Variants in ANO2 observed in about 807,000 individuals in gnomAD.
ANO2 encodes the protein anoctamin-2.
A neutral mutation model predicts 124.2 loss-of-function variants in ANO2; 101 were observed. The ratio of observed to expected loss-of-function variants is 0.81; its 90% CI spans 0.69 to 0.96. The LOEUF (loss-of-function observed/expected upper bound fraction) is 0.96, where lower values mean the gene tolerates loss of function less well. ANO2 is among the 40% of genes least tolerant of loss of function. The pLI is 0.00. For synonymous variants in ANO2, 486 were observed against 482.5 expected (o/e 1.01, Z -0.09); for missense variants, 1,293 against 1,274.5 (o/e 1.01, Z -0.22).
At chr12:5,838,098 G>A (rs1263648042) in intron 4 of ANO2, among the ~76,000 whole-genome samples, 1 of 152,234 alleles carries the variant, frequency 6.6e-6, no homozygotes, top group African/African-American at 2.4e-5. Context: ...GTCTGGCTCT[G>A]GCAGACGTTC....
At chr12:5,893,631 C>T (rs111811755) in intron 3 of ANO2, among the ~76,000 whole-genome samples, 31,092 of 151,606 alleles carry the variant, frequency 0.21, 3,312 homozygotes, top group Admixed American at 0.28. Context: ...CTAATGCTAT[C>T]CCTCCCCTAG....
intron 10 of ANO2, among the ~76,000 whole-genome samples, chr12:5,762,526 G>A (rs1305994452): frequency 6.6e-6 from 1 of 151,908 alleles, no homozygotes; most frequent in Non-Finnish European, 1.5e-5. Context: ...AAAGTAAGAT[G>A]TTAAATGGTA....
intron 10 of ANO2, among the ~76,000 whole-genome samples, chr12:5,756,244 A>G (rs1468171713): frequency 6.6e-6 from 1 of 151,654 alleles, no homozygotes; most frequent in African/African-American, 2.4e-5. Context: ...TGAACTTCTG[A>G]TTTTGTTGAC....
intron 7 of ANO2, among the ~76,000 whole-genome samples, chr12:5,810,287 T>C (rs1953346620): frequency 6.6e-6 from 1 of 152,222 alleles, no homozygotes; most frequent in African/African-American, 2.4e-5. Context: ...AACAGGGATT[T>C]GCTTTGGCCT....
chr12:5,826,330 C>T (rs966284638), intron 7 of ANO2, among the ~76,000 whole-genome samples: 18 of 151,752 alleles, frequency 1.2e-4, no homozygotes, highest in African/African-American at 4.1e-4. Context: ...TACTGAGTGT[C>T]GACTTGATTG....
At chr12:5,872,456 G>A (rs1227575601) in intron 3 of ANO2, among the ~76,000 whole-genome samples, 1 of 152,146 alleles carries the variant, frequency 6.6e-6, no homozygotes, top group African/African-American at 2.4e-5. Flanking sequence ...CAGCTCTACT[G>A]TGACAGGGGC....
chr12:5,812,591 G>GGGGA lies in ANO2; in HGVS notation c.893-5224_893-5223insTCCC, dbSNP rs1555168012. Among the ~76,000 whole-genome samples the GGGGA allele has an allele frequency of 1.9e-5, 2 of 106,990 alleles. 1 individual carries two copies. Among genetic ancestry groups the GGGGA allele is most frequent in the Non-Finnish European group, 3.6e-5 (2 of 55,560 alleles). 70.2% of individuals were successfully genotyped at this position (106,990 alleles called of 152,430 possible). On this transcript the variant is annotated intron_variant, in intron 7 of 24. Coordinates refer to ENST00000682330, the MANE Select transcript of ANO2 (RefSeq NM_001364791.2). ...AAAGAAAAAAAGAAAGAGAAAGAAA[G>GGGGA]AGGAAGAAGAAAAAGGAAGGAAGGT...
In ANO2 at chr12:5,787,840, T is replaced by C. The variant is rs1422963639; in HGVS notation, c.1055+11667A>G. On this transcript the variant is annotated intron_variant, in intron 10 of 24. Transcript: ENST00000682330. The surrounding 1 kb of genome is among the most constrained non-coding windows in gnomAD (Gnocchi z 4.2). ...TCTCTGTCACACTTCCGGTTAACTA[T>C]GCACTGTCTCCCCTGCTAGGTCATA... is the stretch of plus-strand genomic sequence containing the variant. Among the ~76,000 whole-genome samples, 1 of 152,178 alleles carries C rather than the reference T, an allele frequency of 6.6e-6. No individual in the cohort carries two copies. The highest frequency in any genetic ancestry group is 2.4e-5 in the African/African-American group (1 of 41,442).
chr12:5,818,116 G>T (rs1953666329), intron 7 of ANO2, among the ~76,000 whole-genome samples: 1 of 152,134 alleles, frequency 6.6e-6, no homozygotes, highest in Non-Finnish European at 1.5e-5. Flanking sequence ...GTGTCAACTT[G>T]ATTGGATCGC....
At chr12:5,672,630 T>A (rs1162858223) in intron 14 of ANO2, among the ~76,000 whole-genome samples, 1 of 152,016 alleles carries the variant, frequency 6.6e-6, no homozygotes, top group Non-Finnish European at 1.5e-5. Flanking sequence ...CATGTGTGTA[T>A]GTCTCTGTGT....
chr12:5,757,880 G>A (rs149780264), intron 10 of ANO2, among the ~76,000 whole-genome samples: 176 of 152,296 alleles, frequency 1.2e-3, no homozygotes, highest in Middle Eastern at 3.4e-3. Context: ...TCAGAAAGAT[G>A]AGTATAAGTT....
chr12:5,674,908 G>A (rs1317143996), intron 14 of ANO2, among the ~76,000 whole-genome samples: 1 of 152,044 alleles, frequency 6.6e-6, no homozygotes. Context: ...TCATCATTAC[G>A]GCTCTTAGGA....
intron 3 of ANO2, chr12:5,870,342 C>T (rs529721042): frequency 2.0e-5 from 3 of 152,184 alleles, no homozygotes; most frequent in South Asian, 2.1e-4. Context: ...GGGGGAAACA[C>T]GGAGACCAGG....
At position 5,735,555 on chromosome 12, in the gene ANO2, C is replaced by T. The variant is rs150025098; in HGVS notation, c.1435-2925G>A. On this transcript the variant is annotated intron_variant, in intron 13 of 24. Coordinates refer to ENST00000682330, the MANE Select transcript of ANO2 (RefSeq NM_001364791.2). ...AAGGTACAGTGAGTAAACCAGCACA[C>T]GAATGAGAAACTAGCAGATGAGGAT... Among the ~76,000 whole-genome samples the T allele has an allele frequency of 4.0e-3, 604 of 152,214 alleles. 4 individuals are homozygous for T. Among genetic ancestry groups the T allele is most frequent in the African/African-American group, 0.014 (592 of 41,518 alleles).
At chr12:5,873,196 G>GCGCTCT (rs1937826885) in intron 3 of ANO2, among the ~76,000 whole-genome samples, 1 of 118,934 alleles carries the variant, frequency 8.4e-6, no homozygotes, top group Non-Finnish European at 1.7e-5. Flanking sequence ...GCCTAAAGCA[G>GCGCTCT]CTCTCTCTCT....
chr12:5,768,183 TACCTCCCCTTGCTTCCAA>T (rs1252462952), intron 10 of ANO2, among the ~76,000 whole-genome samples: 2 of 152,224 alleles, frequency 1.3e-5, no homozygotes, highest in Admixed American at 6.5e-5. Flanking sequence ...TCTTTGTTCC[TACCTCCCCTTGCTTCCAA>T]ACCCATTCTC....
At chr12:5,829,001 G>A (rs1954071449) in intron 6 of ANO2, among the ~76,000 whole-genome samples, 2 of 152,224 alleles carry the variant, frequency 1.3e-5, no homozygotes, top group East Asian at 3.9e-4. Context: ...GGGGTGGACT[G>A]AGGAAAGGAA....
At chr12:5,922,301 G>A (rs1293795035) in intron 2 of ANO2, among the ~76,000 whole-genome samples, 1 of 152,228 alleles carries the variant, frequency 6.6e-6, no homozygotes, top group Non-Finnish European at 1.5e-5. Context: ...GCACAAGGGA[G>A]AGACTCAGAG....
intron 14 of ANO2, among the ~76,000 whole-genome samples, chr12:5,700,181 T>C (rs917845638): frequency 2.0e-5 from 3 of 152,222 alleles, no homozygotes; most frequent in African/African-American, 7.2e-5. Flanking sequence ...ATTGACCACA[T>C]AGTTGGAAGT....
Sources: gnomAD v4.1 joint callset for allele counts (sites outside exome capture counted in the v4.1 genomes callset) on GRCh38, gnomAD v4.1.1 for gene constraint, Gnocchi (gnomAD v3.1) non-coding constraint, MANE v1.5 for transcripts, NCBI Gene and HGNC (gene_info 2026-07-23, HGNC 2026-07-21) for gene names.